The following SEPHS1 variants were observed in gnomAD, a reference collection of about 807,000 sequenced individuals.
The protein encoded by SEPHS1 is zincore component SEPHS1.
Under a neutral mutation model 39.2 loss-of-function variants are expected in SEPHS1, and 7 were observed. That is an observed-to-expected ratio of 0.18 (90% confidence interval 0.10 to 0.34). The LOEUF (loss-of-function observed/expected upper bound fraction) is 0.34. Among genes scored for constraint, SEPHS1 ranks in the 10% least tolerant of loss-of-function variants. SEPHS1 has a pLI of 1.00. For missense variants in SEPHS1, 253 were observed against 514.5 expected (o/e 0.49, Z 4.92); for synonymous variants, 190 against 195.5 (o/e 0.97, Z 0.23).
At chr10:13,337,226 T>C (rs574169432) in intron 3 of SEPHS1, among the ~76,000 whole-genome samples, 7 of 152,126 alleles carry the variant, frequency 4.6e-5, no homozygotes, top group African/African-American at 1.4e-4. Flanking sequence ...AGAAAAATCA[T>C]CTTAAGAAAC....
chr10:13,337,843 G>A (rs1833682987), intron 3 of SEPHS1, among the ~76,000 whole-genome samples: 2 of 152,162 alleles, frequency 1.3e-5, no homozygotes, highest in Admixed American at 1.3e-4. Flanking sequence ...AAGAAATATA[G>A]GTTTCCAATA....
chr10:13,323,341 A>G (rs1283435328), intron 7 of SEPHS1, among the ~76,000 whole-genome samples: 3 of 151,862 alleles, frequency 2.0e-5, no homozygotes, highest in Admixed American at 2.0e-4. Flanking sequence ...AGACCATCCT[A>G]AAACCAAAGA....
Position 13,322,878 on chromosome 10 carries a change from T to C in SEPHS1, c.921A>G (p.Gly307=), listed in dbSNP as rs750948749. 1.9e-6 allele frequency: 3 copies of C among 1,613,862 alleles called. No homozygotes were observed. The African/African-American group carries it at 4.0e-5, about 22-fold the overall frequency. The change falls in exon 8 of 9, where the codon GGA becomes GGG. Residue 307 remains glycine (G), a synonymous_variant. Coordinates refer to ENST00000327347, the MANE Select transcript of SEPHS1 (RefSeq NM_012247.5). ...AKMAAVSKAC[G]NMFGLMHGTC... ...TCCCGTGCATGAGGCCGAACATGTTTCCGCAGGCCTTGCTCACCGCAGCCA... is the reference window on the plus strand; with the variant it reads ...TCCCGTGCATGAGGCCGAACATGTTCCCGCAGGCCTTGCTCACCGCAGCCA...
intron 8 of SEPHS1, 146 bp from the exon 9 acceptor site, chr10:13,319,502 T>C (rs1833038868): frequency 1.4e-6 from 1 of 696,014 alleles, no homozygotes; most frequent in South Asian, 1.6e-5. Context: ...AAGCAGCTTT[T>C]TTTTGAGACA....
chr10:13,329,883 T>C (rs967127533), intron 5 of SEPHS1, 95 bp from the exon 6 acceptor site: 19 of 1,070,270 alleles, frequency 1.8e-5, no homozygotes, highest in Non-Finnish European at 2.2e-5. Flanking sequence ...GTCAAAAATA[T>C]ATCTGCCTTT....
intron 7 of SEPHS1, among the ~76,000 whole-genome samples, chr10:13,323,259 A>G (rs1833167414): frequency 6.6e-6 from 1 of 152,156 alleles, no homozygotes; most frequent in Non-Finnish European, 1.5e-5. Flanking sequence ...AGCTTCAATT[A>G]ATAGTAGTTT....
intron 2 of SEPHS1, among the ~76,000 whole-genome samples, chr10:13,341,714 T>C (rs905288773): frequency 1.6e-4 from 25 of 152,048 alleles, no homozygotes; most frequent in African/African-American, 5.8e-4. Context: ...CCCAGCACTT[T>C]GGGAGGCCGA....
At position 13,344,806 on chromosome 10, in the gene SEPHS1, G is replaced by C. The variant is rs898195245; in HGVS notation, c.145C>G (p.His49Asp). ...QKLLESLQEN[H>D]FQEDEQFLGA... ...AGAAACTGCTCATCTTCTTGGAAGTGGTTCTCCTGTAAAGATTCCAGCAAT... is the reference window on the plus strand; with the variant it reads ...AGAAACTGCTCATCTTCTTGGAAGTCGTTCTCCTGTAAAGATTCCAGCAAT... Residue 49 changes from histidine to aspartate, a missense_variant, in exon 2 of 9, where the codon CAC becomes GAC. His to Asp is a moderately conservative substitution (Grantham distance 81). Coordinates refer to ENST00000327347, the MANE Select transcript of SEPHS1 (RefSeq NM_012247.5). 5 of 1,589,502 alleles carry C rather than the reference G, an allele frequency of 3.1e-6. No individual in the cohort carries two copies. Among genetic ancestry groups the C allele is most frequent in the African/African-American group, 1.3e-5 (1 of 74,458 alleles).
Position 13,329,754 on chromosome 10 carries a change from G to A in SEPHS1, c.595C>T (p.Leu199=), listed in dbSNP as rs752093154. 2 of 1,609,712 alleles carry A rather than the reference G, an allele frequency of 1.2e-6. No homozygotes were observed. The change falls in exon 6 of 9, where the codon CTG becomes TTG. Residue 199 remains leucine (L), a synonymous_variant. Coordinates refer to ENST00000327347, the MANE Select transcript of SEPHS1 (RefSeq NM_012247.5). ...DNAVPGDVLV[L]TKPLGTQVAV... ...ACCTGTGTCCCCAGGGGTTTTGTCA[G>A]CACCAGCACGTCCCCTGGCACTGCA...
intron 4 of SEPHS1, among the ~76,000 whole-genome samples, chr10:13,335,745 CGA>C (rs546796737): frequency 1.5e-4 from 23 of 151,938 alleles, no homozygotes; most frequent in African/African-American, 5.3e-4. Context: ...TTTGGGATGC[CGA>C]GATAGGTGGA....
At chr10:13,335,490 C>T (rs865777633) in intron 4 of SEPHS1, among the ~76,000 whole-genome samples, 2 of 149,990 alleles carry the variant, frequency 1.3e-5, no homozygotes, top group African/African-American at 2.5e-5. Context: ...ATGGTGAAAC[C>T]CCATCTCTAC....
At chr10:13,338,956 C>T (rs937895840) in intron 2 of SEPHS1, 148 bp from the exon 3 acceptor site, 4 of 648,918 alleles carry the variant, frequency 6.2e-6, no homozygotes, top group South Asian at 1.8e-5. Context: ...TATCAAGAAG[C>T]GTAACTGAAA....
At chr10:13,347,361 G>A (rs1247228652) in intron 1 of SEPHS1, 1 of 151,786 alleles carries the variant, frequency 6.6e-6, no homozygotes, top group Non-Finnish European at 1.5e-5. Flanking sequence ...GGAACCCGGG[G>A]ACACCTTCGG....
chr10:13,334,217 G>C (rs1833555926), intron 4 of SEPHS1, among the ~76,000 whole-genome samples: 1 of 152,110 alleles, frequency 6.6e-6, no homozygotes, highest in Non-Finnish European at 1.5e-5. Flanking sequence ...GGGCAATGCA[G>C]ACAGACCCCT....
intron 5 of SEPHS1, 44 bp downstream of exon 5, chr10:13,333,773 G>A (rs1423478159): frequency 1.3e-6 from 2 of 1,593,848 alleles, no homozygotes; most frequent in South Asian, 2.2e-5. Flanking sequence ...AGAGGACAGA[G>A]AGAGAAAAAC....
At chr10:13,341,716 G>C (rs570870332) in intron 2 of SEPHS1, among the ~76,000 whole-genome samples, 3 of 152,104 alleles carry the variant, frequency 2.0e-5, no homozygotes, top group African/African-American at 7.2e-5. Flanking sequence ...CAGCACTTTG[G>C]GAGGCCGAGG....
chr10:13,320,610 CG>C (rs1833080898), intron 8 of SEPHS1, among the ~76,000 whole-genome samples: 1 of 151,616 alleles, frequency 6.6e-6, no homozygotes, highest in African/African-American at 2.4e-5. Context: ...GAGGCCGAGG[CG>C]GGTGGATCAC....
intron 2 of SEPHS1, among the ~76,000 whole-genome samples, chr10:13,341,112 C>T (rs971703710): frequency 6.6e-6 from 1 of 151,984 alleles, no homozygotes; most frequent in East Asian, 1.9e-4. Context: ...ATGTGGCTTG[C>T]ATTGTATTTT....
intron 2 of SEPHS1, among the ~76,000 whole-genome samples, chr10:13,341,963 A>G (rs1833797650): frequency 8.0e-6 from 1 of 124,878 alleles, no homozygotes; most frequent in Non-Finnish European, 1.6e-5. Context: ...TGATGGAGTG[A>G]GACTCTATCT....
Sources: allele counts gnomAD v4.1 joint callset (sites outside exome capture counted in the v4.1 genomes callset), GRCh38; gene constraint gnomAD v4.1.1; transcripts MANE v1.5; gene names NCBI Gene and HGNC (gene_info 2026-07-23, HGNC 2026-07-21).